The following CEP164 variants were observed in gnomAD, a reference collection of about 807,000 sequenced individuals.
CEP164 encodes the protein centrosomal protein 164, also known as centrosomal protein of 164 kDa.
CEP164 carries 162 observed loss-of-function variants against 182.7 expected under a neutral mutation model. The observed-to-expected ratio is 0.89, with a 90% CI of 0.78 to 1.01. The LOEUF (loss-of-function observed/expected upper bound fraction) is 1.01, where lower values mean the gene tolerates loss of function less well. CEP164 is among the 50% of genes least tolerant of loss of function. The probability of loss-of-function intolerance (pLI) is 0.00; values close to 1 mark genes in which losing one functional copy is unlikely to be tolerated. For synonymous variants in CEP164, 661 were observed against 690.0 expected, an observed-to-expected ratio of 0.96 and a Z score of 0.66; for missense variants, 1,735 against 1,790.4, an observed-to-expected ratio of 0.97 and a Z score of 0.56.
rs2042665834 is a variant in CEP164 at position 117,375,677 on chromosome 11, G to A, written c.1234-31G>A. ...GTGGGTGTTGACTGTGACAGAGGCAGAGTTGACCTTTGCATCTCCACTGTC... is the reference window on the plus strand; with the variant it reads ...GTGGGTGTTGACTGTGACAGAGGCAAAGTTGACCTTTGCATCTCCACTGTC... On this transcript the variant is annotated intron_variant, in intron 10 of 32. Coordinates refer to ENST00000278935, the MANE Select transcript of CEP164 (RefSeq NM_014956.5). 2.5e-6 allele frequency: 4 copies of A among 1,600,774 alleles called. No homozygotes were observed. In the East Asian group the frequency reaches 8.9e-5, roughly 36 times the overall value.
chr11:117,343,424 A>G (rs1367333559), intron 3 of CEP164, among the ~76,000 whole-genome samples: 1 of 152,126 alleles, frequency 6.6e-6, no homozygotes, highest in Non-Finnish European at 1.5e-5. Context: ...AATGTCCTCA[A>G]GGAGCTTAGT....
At chr11:117,392,138 C>A in intron 17 of CEP164, 88 bp from the exon 18 acceptor site, 3 of 1,201,698 alleles carry the variant, frequency 2.5e-6, no homozygotes, top group Non-Finnish European at 3.4e-6. Context: ...ATCTCGAGGG[C>A]TTGGGGGTCG....
At chr11:117,400,790 CTAT>C (rs2046048388) in intron 27 of CEP164, among the ~76,000 whole-genome samples, 1 of 152,086 alleles carries the variant, frequency 6.6e-6, no homozygotes, top group African/African-American at 2.4e-5. Flanking sequence ...CTCCGTTTGC[CTAT>C]TATTGGTGTA....
chr11:117,405,999 G>C (rs1367880312), intron 27 of CEP164, among the ~76,000 whole-genome samples: 1 of 152,104 alleles, frequency 6.6e-6, no homozygotes, highest in Non-Finnish European at 1.5e-5. Flanking sequence ...ACATTTTCCT[G>C]TCTTCTTCTG....
chr11:117,356,141 A>C, intron 5 of CEP164: 1 of 1,029,754 alleles, frequency 9.7e-7, no homozygotes, highest in South Asian at 3.3e-5. Flanking sequence ...CTCGGGTCTC[A>C]GAGATCAACA....
intron 8 of CEP164, among the ~76,000 whole-genome samples, chr11:117,368,266 T>C (rs996428545): frequency 7.2e-5 from 11 of 152,018 alleles, no homozygotes; most frequent in African/African-American, 2.7e-4. Context: ...AGGGGGAGTG[T>C]GTCGGGGTAG....
chr11:117,399,346 G>T (rs909619606), intron 27 of CEP164, among the ~76,000 whole-genome samples: 10 of 152,168 alleles, frequency 6.6e-5, no homozygotes, highest in Admixed American at 6.5e-4. Flanking sequence ...GTATTCCATG[G>T]TGTATATGTG....
chr11:117,373,920 G>C, intron 10 of CEP164, 89 bp downstream of exon 10: 1 of 1,107,714 alleles, frequency 9.0e-7, no homozygotes, highest in East Asian at 2.4e-5. Flanking sequence ...GCATCACGCA[G>C]CTTATAAGTG....
chr11:117,355,487 G>A (rs1315001991), intron 5 of CEP164: 1 of 1,289,528 alleles, frequency 7.8e-7, no homozygotes, highest in Non-Finnish European at 1.0e-6. Context: ...CCACAGCTTA[G>A]CCAAACTGAG....
intron 23 of CEP164, 31 bp downstream of exon 23, chr11:117,395,222 T>G: frequency 6.2e-7 from 1 of 1,607,644 alleles, no homozygotes; most frequent in Non-Finnish European, 8.5e-7. Flanking sequence ...CTCCCTCCTG[T>G]TCTTCCTCCA....
intron 27 of CEP164, among the ~76,000 whole-genome samples, chr11:117,403,285 A>C (rs1222820015): frequency 6.6e-6 from 1 of 152,196 alleles, no homozygotes; most frequent in Non-Finnish European, 1.5e-5. Context: ...ACAATTTGGC[A>C]TGTTTTTGCA....
chr11:117,327,459 CTTTTTT>C (rs760601571), upstream of CEP164, among the ~76,000 whole-genome samples: 8 of 122,618 alleles, frequency 6.5e-5, no homozygotes, highest in East Asian at 1.4e-3. Flanking sequence ...TCGGGGTCCT[CTTTTTT>C]TTTTTTTTTT....
intron 5 of CEP164, among the ~76,000 whole-genome samples, chr11:117,353,849 A>G (rs768236499): frequency 2.0e-4 from 31 of 152,110 alleles, no homozygotes; most frequent in Admixed American, 4.6e-4. Context: ...GTCTGTGACC[A>G]TGTGGCGGTC....
intron 2 of CEP164, among the ~76,000 whole-genome samples, 182 bp downstream of exon 2, chr11:117,335,862 CT>C (rs2037011879): frequency 6.6e-6 from 1 of 152,092 alleles, no homozygotes; most frequent in Non-Finnish European, 1.5e-5. Context: ...TTCCACAAAC[CT>C]CCCCAATCAC....
At chr11:117,382,339 G>A (rs1267570733) in intron 13 of CEP164, among the ~76,000 whole-genome samples, 2 of 152,096 alleles carry the variant, frequency 1.3e-5, no homozygotes, top group African/African-American at 2.4e-5. Flanking sequence ...TTATGTGCTC[G>A]GCCCAGGGAG....
intron 2 of CEP164, chr11:117,336,114 C>A: frequency 9.2e-6 from 14 of 1,521,750 alleles, no homozygotes; most frequent in Non-Finnish European, 1.1e-5. Context: ...AGCACAAGGG[C>A]TACTTTCCCC....
intron 9 of CEP164, among the ~76,000 whole-genome samples, chr11:117,371,927 TTC>T (rs2042238962): frequency 6.6e-6 from 1 of 151,542 alleles, no homozygotes; most frequent in South Asian, 2.1e-4. Flanking sequence ...CTCATCATAG[TTC>T]AGGGTGCTTT....
chr11:117,326,070 C>G (rs977866782), upstream of CEP164, among the ~76,000 whole-genome samples: 1 of 151,918 alleles, frequency 6.6e-6, no homozygotes, highest in African/African-American at 2.4e-5. Flanking sequence ...ACCACCATGC[C>G]TGGCTAATTT....
At chr11:117,376,803 C>T (rs943133167) in intron 11 of CEP164, among the ~76,000 whole-genome samples, 2 of 152,172 alleles carry the variant, frequency 1.3e-5, no homozygotes, top group Non-Finnish European at 2.9e-5. Context: ...TGTGAAGGCA[C>T]AGTCAAAGGA....
Sources: allele counts gnomAD v4.1 joint callset (sites outside exome capture counted in the v4.1 genomes callset), GRCh38; gene constraint gnomAD v4.1.1; transcripts MANE v1.5; gene names NCBI Gene and HGNC (gene_info 2026-07-23, HGNC 2026-07-21).